The following PARPBP variants were observed in gnomAD, a reference collection of about 807,000 sequenced individuals.
PARPBP encodes PARP1 binding protein.
PARPBP carries 52 observed loss-of-function variants against 50.0 expected under a neutral mutation model. The observed-to-expected ratio is 1.04, with a 90% CI of 0.83 to 1.31. The LOEUF (loss-of-function observed/expected upper bound fraction) is 1.31, where lower values mean the gene tolerates loss of function less well. Among genes scored for constraint, PARPBP ranks in the 50% most tolerant of loss-of-function variants. The pLI is 0.00. For missense variants in PARPBP, 697 were observed against 672.0 expected (o/e 1.04, Z -0.41); for synonymous variants, 244 against 232.1 (o/e 1.05, Z -0.47).
chr12:102,140,858 G>T (rs1335205861), intron 2 of PARPBP, among the ~76,000 whole-genome samples: 1 of 152,072 alleles, frequency 6.6e-6, no homozygotes, highest in Non-Finnish European at 1.5e-5. Flanking sequence ...CAGTCTGTTA[G>T]AATTTCTGTT....
At chr12:102,137,946 A>G (rs1454881588) in intron 2 of PARPBP, among the ~76,000 whole-genome samples, 1 of 152,156 alleles carries the variant, frequency 6.6e-6, no homozygotes, top group African/African-American at 2.4e-5. Flanking sequence ...GCTATTGTGA[A>G]TAGTGTCGCA....
intron 2 of PARPBP, among the ~76,000 whole-genome samples, chr12:102,124,368 A>G (rs1881631034): frequency 6.6e-6 from 1 of 152,210 alleles, no homozygotes. Flanking sequence ...TTCATTCCCT[A>G]AACTTTTAAA....
chr12:102,139,864 G>A (rs976232294), intron 2 of PARPBP, among the ~76,000 whole-genome samples: 2 of 152,208 alleles, frequency 1.3e-5, no homozygotes, highest in Non-Finnish European at 2.9e-5. Context: ...GCTTTTAGAT[G>A]TGCTGCTGGA....
chr12:102,152,028 G>A (rs12422994), intron 3 of PARPBP: 172,720 of 493,628 alleles, frequency 0.35, 31,688 homozygotes, highest in African/African-American at 0.52. Context: ...TGCATCTCCT[G>A]CTTTATCAAA....
intron 3 of PARPBP, chr12:102,151,473 C>A (rs935739449): frequency 1.3e-6 from 1 of 778,412 alleles, no homozygotes; most frequent in South Asian, 1.7e-5. Flanking sequence ...TTGGAGCCTG[C>A]GGCTGCTGGG....
intron 3 of PARPBP, among the ~76,000 whole-genome samples, chr12:102,151,260 G>A (rs895670115): frequency 3.3e-5 from 5 of 152,178 alleles, no homozygotes; most frequent in East Asian, 1.9e-4. Context: ...GTGCACCTGC[G>A]TGGGCCTGGG....
intron 4 of PARPBP, among the ~76,000 whole-genome samples, chr12:102,157,484 G>A (rs1887084456): frequency 6.8e-6 from 1 of 148,108 alleles, no homozygotes; most frequent in African/African-American, 2.5e-5. Flanking sequence ...TTAATTCCTT[G>A]TGGTATTATT....
At chr12:102,182,505 C>T (rs185272083) in intron 8 of PARPBP, 44 bp from the exon 9 acceptor site, 40 of 1,351,338 alleles carry the variant, frequency 3.0e-5, no homozygotes, top group Middle Eastern at 3.7e-4. Context: ...AACAAACATT[C>T]CAACCATAGC....
intron 7 of PARPBP, among the ~76,000 whole-genome samples, chr12:102,177,511 T>G (rs1251990144): frequency 1.3e-5 from 2 of 151,994 alleles, no homozygotes; most frequent in Non-Finnish European, 2.9e-5. Flanking sequence ...ATTATATATT[T>G]TATTTTATTC....
At chr12:102,142,490 A>T (rs1464777223) in intron 2 of PARPBP, among the ~76,000 whole-genome samples, 1 of 152,056 alleles carries the variant, frequency 6.6e-6, no homozygotes, top group African/African-American at 2.4e-5. Context: ...TCTTCTCTCA[A>T]CTCGTCAAAG....
intron 6 of PARPBP, among the ~76,000 whole-genome samples, chr12:102,167,206 C>A (rs1338576087): frequency 6.6e-6 from 1 of 152,006 alleles, no homozygotes; most frequent in Non-Finnish European, 1.5e-5. Context: ...AATTGGTAAA[C>A]CCCTTATTTT....
chr12:102,128,719 T>G (rs1000707672), intron 2 of PARPBP, among the ~76,000 whole-genome samples: 2 of 152,206 alleles, frequency 1.3e-5, no homozygotes, highest in African/African-American at 4.8e-5. Flanking sequence ...TTTCTATCCA[T>G]TCATCCATTG....
At position 102,182,533 on chromosome 12, in the gene PARPBP, T is replaced by C. The variant is rs1275865188; in HGVS notation, c.1185-16T>C. 5.7e-6 allele frequency: 9 copies of C among 1,584,530 alleles called. No homozygotes were observed. Among genetic ancestry groups the C allele is most frequent in the South Asian group, 1.2e-5 (1 of 86,022 alleles). On this transcript the variant is annotated splice_polypyrimidine_tract_variant and intron_variant, in intron 8 of 10. Transcript: ENST00000327680. The stretch of plus-strand genomic sequence containing the variant: ...ACCATAGCAATAAATTTTTGCCTTT[T>C]TTTTTTTTGACATAGGTCTCCCACA...
chr12:102,122,178 C>G lies in PARPBP; in HGVS notation c.-3-1708C>G, dbSNP rs189972976. 2.9e-3 allele frequency among the ~76,000 whole-genome samples: 437 copies of G among 152,292 alleles called. 7 individuals are homozygous for G. Among genetic ancestry groups the G allele is most frequent in the Admixed American group, 0.027 (413 of 15,300 alleles). On this transcript the variant is annotated intron_variant, in intron 1 of 10. Transcript: ENST00000327680. Reference sequence around the variant, plus strand: ...GTAATTTACTCCTAAAAATGTATTTCAGGCAAAGTGACCATGTCACTGAAG... The same window carrying G: ...GTAATTTACTCCTAAAAATGTATTTGAGGCAAAGTGACCATGTCACTGAAG...
chr12:102,196,536 TCTTTTAAAACAGACATTTAAC>T lies in PARPBP; in HGVS notation c.*246_*266del, dbSNP rs1891327597. 1.2e-6 allele frequency: 1 copy of T among 836,512 alleles called. No homozygotes were observed. The highest frequency in any genetic ancestry group is 1.9e-5 in the Admixed American group (1 of 52,322). The allele number at this position is 836,512 out of a possible 1,614,324, so 51.8% of individuals were successfully genotyped here. ...TTACTGATACATCTTAACACTACTT[TCTTTTAAAACAGACATTTAAC>T]ATACACAAGTTATAGTAGCAGTATG... On this transcript the variant is annotated 3_prime_UTR_variant, in exon 11 of 11. Coordinates refer to ENST00000327680, the MANE Select transcript of PARPBP (RefSeq NM_017915.5).
chr12:102,148,724 A>G lies in PARPBP; in HGVS notation c.387+261A>G, dbSNP rs1446825130. The G allele has an allele frequency of 1.4e-5, 4 of 294,854 alleles. No individual in the cohort carries two copies. Among genetic ancestry groups the G allele is most frequent in the Non-Finnish European group, 2.5e-5 (4 of 161,714 alleles). 18.3% of individuals were successfully genotyped at this position (294,854 alleles called of 1,614,324 possible). On this transcript the variant is annotated intron_variant, in intron 3 of 10. Coordinates refer to ENST00000327680, the MANE Select transcript of PARPBP (RefSeq NM_017915.5). ...TAGATCAAAAATCCCTAACAAAGAA[A>G]TTAGTCCCAAATGCCTGATTTCTTT...
intron 2 of PARPBP, among the ~76,000 whole-genome samples, chr12:102,147,141 A>G (rs1885477277): frequency 6.6e-6 from 1 of 152,236 alleles, no homozygotes; most frequent in Non-Finnish European, 1.5e-5. Context: ...TAGTTCAACC[A>G]TTGTGGAAGT....
At chr12:102,180,522 G>A (rs1168276894) in intron 8 of PARPBP, among the ~76,000 whole-genome samples, 2 of 152,116 alleles carry the variant, frequency 1.3e-5, no homozygotes, top group Non-Finnish European at 2.9e-5. Context: ...GTGCAACATA[G>A]TAAGACTCTA....
At chr12:102,147,240 C>G (rs975268030) in intron 2 of PARPBP, among the ~76,000 whole-genome samples, 2 of 152,200 alleles carry the variant, frequency 1.3e-5, no homozygotes, top group African/African-American at 4.8e-5. Context: ...GACTATAAAT[C>G]ATGCTGCTGT....
Sources: allele counts gnomAD v4.1 joint callset (sites outside exome capture counted in the v4.1 genomes callset), GRCh38; gene constraint gnomAD v4.1.1; transcripts MANE v1.5; gene names NCBI Gene and HGNC (gene_info 2026-07-23, HGNC 2026-07-21).